MTSS2: variants seen among roughly 807,000 people sequenced by gnomAD.
The protein encoded by MTSS2 is protein MTSS 2.
MTSS2 carries 27 observed loss-of-function variants against 67.1 expected under a neutral mutation model. That is an observed-to-expected ratio of 0.40 (90% CI 0.30 to 0.55). The LOEUF (loss-of-function observed/expected upper bound fraction) is 0.55. Ranked by LOEUF, MTSS2 falls within the 20% of genes least tolerant of loss-of-function variation. MTSS2 has a pLI of 0.43. For synonymous variants in MTSS2, 624 were observed against 468.6 expected, an observed-to-expected ratio of 1.33 and a Z score of -4.28; for missense variants, 1,171 against 1,067.8, an observed-to-expected ratio of 1.10 and a Z score of -1.35.
At chr16:70,668,896 A>T (rs1240396327) in intron 11 of MTSS2, among the ~76,000 whole-genome samples, 1 of 152,102 alleles carries the variant, frequency 6.6e-6, no homozygotes, top group Admixed American at 6.5e-5. Flanking sequence ...CACCCAGGTT[A>T]TGGTATTTTG....
At chr16:70,680,918 G>GCCCCCCCC in intron 2 of MTSS2, 46 bp downstream of exon 2, 4 of 1,097,022 alleles carry the variant, frequency 3.6e-6, no homozygotes, top group Non-Finnish European at 5.4e-6. Context: ...CGGGGGGGGG[G>GCCCCCCCC]CCTCTGCCTG....
chr16:70,664,674 G>T lies in MTSS2; in HGVS notation c.1395C>A (p.Asp465Glu), dbSNP rs141746234. The T allele has an allele frequency of 6.2e-7, 1 of 1,613,408 alleles. No individual in the cohort carries two copies. The highest frequency in any genetic ancestry group is 2.2e-5 in the East Asian group (1 of 44,880). ...TGTAGCCGCTGGAGTACTGCAGCGA[G>T]TCCCGGCTGCTCTTCTGGTGCTCCA... ...LSLEHQKSSR[D>E]SLQYSSGYST... The change falls in exon 14 of 15, where the codon GAC becomes GAA. Residue 465 changes from aspartate to glutamate, a missense_variant. This residue lies in a region of MTSS2 where 924 missense variants were observed against 756.0 expected (regional missense o/e 1.22). Transcript: ENST00000338779.
chr16:70,669,781 C>T (rs1405788139), intron 11 of MTSS2, among the ~76,000 whole-genome samples: 2 of 149,520 alleles, frequency 1.3e-5, no homozygotes, highest in African/African-American at 2.5e-5. Context: ...CATGCCACTG[C>T]ACTCCAGCCT....
Position 70,662,960 on chromosome 16 carries a change from C to A in MTSS2, c.*717G>T. 6.6e-6 allele frequency: 1 copy of A among 152,662 alleles called. No individual in the cohort carries two copies. The highest frequency in any genetic ancestry group is 1.5e-5 in the Non-Finnish European group (1 of 68,308). The allele number at this position is 152,662 out of a possible 1,614,324, so 9.5% of individuals were successfully genotyped here. A position where few individuals can be genotyped will look rare whatever the true frequency, so the allele number is the denominator to read the frequency against. On this transcript the variant is annotated 3_prime_UTR_variant, in exon 15 of 15. Coordinates refer to ENST00000338779, the MANE Select transcript of MTSS2 (RefSeq NM_138383.3). ...CTAGTTTCCAAAGAGCTGCTCTGGCCCCCTCCAGCCAGCCTCACGGGGTGG... is the reference window on the plus strand; with the variant it reads ...CTAGTTTCCAAAGAGCTGCTCTGGCACCCTCCAGCCAGCCTCACGGGGTGG...
intron 10 of MTSS2, among the ~76,000 whole-genome samples, chr16:70,675,945 G>A (rs545961982): frequency 4.7e-4 from 71 of 152,304 alleles, no homozygotes; most frequent in Non-Finnish European, 7.1e-4. Flanking sequence ...CTGGCTAAGC[G>A]TGACCCTGAA....
rs765585528 is a variant in MTSS2, at chr16:70,678,238, C to T, written c.624+14G>A. 8.1e-6 allele frequency: 13 copies of T among 1,599,684 alleles called. No homozygotes were observed. The highest frequency in any genetic ancestry group is 2.2e-5 in the East Asian group (1 of 44,790). On this transcript the variant is annotated intron_variant, in intron 8 of 14. Transcript: ENST00000338779. ...AGCCCACCCCTCTGGGGTCTGAGTC[C>T]CCAGGAGTCCCACCACCACAGGCTG... is the stretch of plus-strand genomic sequence containing the variant.
chr16:70,677,055 CTAAT>C, intron 9 of MTSS2, 77 bp from the exon 10 acceptor site: 1 of 1,135,212 alleles, frequency 8.8e-7, no homozygotes, highest in Non-Finnish European at 1.3e-6. Flanking sequence ...CCCCCACTCT[CTAAT>C]TGTGAACCAC....
At chr16:70,677,767 G>T (rs761874104) in intron 9 of MTSS2, 25 bp downstream of exon 9, 1 of 1,578,904 alleles carries the variant, frequency 6.3e-7, no homozygotes, top group Non-Finnish European at 8.6e-7. Context: ...CCTGGCCCTG[G>T]CCCTTGGCCA....
chr16:70,679,519 C>A, intron 6 of MTSS2, 111 bp downstream of exon 6: 1 of 1,315,010 alleles, frequency 7.6e-7, no homozygotes, highest in South Asian at 1.4e-5. Context: ...GGTCCTGTGT[C>A]GGGGACAGCG....
intron 11 of MTSS2, among the ~76,000 whole-genome samples, chr16:70,672,341 C>CAAAAAAAAAAAA (rs11297993): frequency 3.7e-5 from 3 of 80,866 alleles, no homozygotes; most frequent in Admixed American, 1.5e-4. Context: ...GAGCAAAATT[C>CAAAAAAAAAAAA]AAAAAAAAAA....
Position 70,663,898 on chromosome 16 carries a change from C to G in MTSS2, c.2023G>C (p.Val675Leu). The G allele has an allele frequency of 6.5e-7, 1 of 1,548,222 alleles. No individual in the cohort carries two copies. The highest frequency in any genetic ancestry group is 8.7e-7 in the Non-Finnish European group (1 of 1,148,652). ...GCCACCAGCTCCCCCAGCTTCTCCACCAGGCTGTGCCGGTTGGCCGCCAGC... is the reference window on the plus strand; with the variant it reads ...GCCACCAGCTCCCCCAGCTTCTCCAGCAGGCTGTGCCGGTTGGCCGCCAGC... ...QQLAANRHSLVEKLGELVAGA... is the reference protein window; with the variant it reads ...QQLAANRHSLLEKLGELVAGA... Residue 675 changes from valine (V) to leucine (L), a missense_variant, in exon 15 of 15, where the codon GTG becomes CTG. By Grantham distance (32) the Val-to-Leu change is conservative. Around this residue, in one of 2 missense-constraint regions of MTSS2, gnomAD observed 924 missense variants for 756.0 expected, o/e 1.22. Coordinates refer to ENST00000338779, the MANE Select transcript of MTSS2 (RefSeq NM_138383.3).
At chr16:70,668,393 G>A (rs2052800812) in intron 11 of MTSS2, among the ~76,000 whole-genome samples, 1 of 147,456 alleles carries the variant, frequency 6.8e-6, no homozygotes, top group Non-Finnish European at 1.5e-5. Context: ...GGGGGACAGA[G>A]TGAGACTGTA....
In MTSS2 at chr16:70,663,643, A is replaced by G. The variant is rs889916010; in HGVS notation, c.*34T>C. On this transcript the variant is annotated 3_prime_UTR_variant, in exon 15 of 15. Transcript: ENST00000338779. Reference sequence around the variant, plus strand: ...CTCACAGACCAGGCCACCTGCTCGCACTGGGGCCTGAGAGGATGGGGAGGG... The same window carrying G: ...CTCACAGACCAGGCCACCTGCTCGCGCTGGGGCCTGAGAGGATGGGGAGGG... The G allele has an allele frequency of 5.0e-5, 77 of 1,527,726 alleles. No individual in the cohort carries two copies. Among genetic ancestry groups the G allele is most frequent in the African/African-American group, 8.3e-5 (6 of 72,540 alleles). 94.6% of individuals were successfully genotyped at this position (1,527,726 alleles called of 1,614,324 possible). A position where few individuals can be genotyped will look rare whatever the true frequency, so the allele number is the denominator to read the frequency against.
At position 70,683,820 on chromosome 16, in the gene MTSS2, T is replaced by C. The variant is rs548793058; in HGVS notation, c.69+1903A>G. On this transcript the variant is annotated intron_variant, in intron 1 of 14. Coordinates refer to ENST00000338779, the MANE Select transcript of MTSS2 (RefSeq NM_138383.3). ...GCTGCTCAGGCCACCGAGGGGAAAATCCAGAAGCTGCCCCCGCAAATCCAG... is the reference window on the plus strand; with the variant it reads ...GCTGCTCAGGCCACCGAGGGGAAAACCCAGAAGCTGCCCCCGCAAATCCAG... Among the ~76,000 whole-genome samples, 5 of 152,260 alleles carry C rather than the reference T, an allele frequency of 3.3e-5. No individual in the cohort carries two copies. The South Asian group carries it at 1.0e-3, about 32-fold the overall frequency.
chr16:70,675,477 G>A (rs377194221), intron 10 of MTSS2, among the ~76,000 whole-genome samples: 3 of 152,200 alleles, frequency 2.0e-5, no homozygotes, highest in Non-Finnish European at 2.9e-5. Flanking sequence ...TTTCACCAAA[G>A]ATCTTAATCT....
intron 11 of MTSS2, among the ~76,000 whole-genome samples, chr16:70,667,643 C>T (rs1039533914): frequency 8.5e-5 from 13 of 152,190 alleles, no homozygotes; most frequent in Admixed American, 5.9e-4. Context: ...GAGGCCAAGA[C>T]GGGAGGATCA....
At chr16:70,665,249 G>A in intron 12 of MTSS2, 153 bp from the exon 13 acceptor site, 1 of 1,002,980 alleles carries the variant, frequency 1.0e-6, no homozygotes, top group Non-Finnish European at 1.4e-6. Flanking sequence ...GAGTGTGACT[G>A]TGGCCCCTCA....
chr16:70,679,265 A>G, intron 7 of MTSS2, 50 bp downstream of exon 7: 4 of 1,609,924 alleles, frequency 2.5e-6, no homozygotes, highest in Middle Eastern at 1.7e-4. Flanking sequence ...GAGACAGACA[A>G]ATGCGACAAG....
Position 70,678,293 on chromosome 16 carries a change from C to T in MTSS2, c.583G>A (p.Gly195Ser), listed in dbSNP as rs745383547. ...AAGGTGATGAAGGTGCAGAAGCGGC[C>T]CCGCTCCTCGATCAGCGCCCGGCGC... ...AVRRALIEER[G>S]RFCTFITFLQ... The change falls in exon 8 of 15, where the codon GGC (glycine) becomes AGC (serine). Residue 195 changes from glycine to serine, a missense_variant. Gly to Ser is a moderately conservative substitution (Grantham distance 56, BLOSUM62 0). This residue lies in a region of MTSS2 where 247 missense variants were observed against 311.8 expected (regional missense o/e 0.79). Coordinates refer to ENST00000338779, the MANE Select transcript of MTSS2 (RefSeq NM_138383.3). 1 of 1,612,164 alleles carries T rather than the reference C, an allele frequency of 6.2e-7. No homozygotes were observed. The highest frequency in any genetic ancestry group is 1.1e-5 in the South Asian group (1 of 91,066).
Sources: allele counts gnomAD v4.1 joint callset (sites outside exome capture counted in the v4.1 genomes callset), GRCh38; gene constraint gnomAD v4.1.1; regional missense constraint gnomAD v4.1.1; transcripts MANE v1.5; gene names NCBI Gene and HGNC (gene_info 2026-07-23, HGNC 2026-07-21).